KCNQ2: variants seen among roughly 807,000 people sequenced by gnomAD.
The protein encoded by KCNQ2 is potassium voltage-gated channel subfamily KQT member 2.
KCNQ2 carries 14 observed loss-of-function variants against 84.8 expected under a neutral mutation model. That is an observed-to-expected ratio of 0.17 (90% CI 0.11 to 0.26). The LOEUF (loss-of-function observed/expected upper bound fraction) is 0.26. Ranked by LOEUF, KCNQ2 falls within the 10% of genes least tolerant of loss-of-function variation. The pLI, the probability that KCNQ2 is intolerant of heterozygous loss-of-function variation, is 1.00. For missense variants in KCNQ2, 788 were observed against 1,254.0 expected (o/e 0.63, Z 5.61); for synonymous variants, 599 against 554.1 (o/e 1.08, Z -1.14).
chr20:63,459,288 G>A (rs915506027), intron 1 of KCNQ2, among the ~76,000 whole-genome samples: 3 of 152,238 alleles, frequency 2.0e-5, no homozygotes, highest in Non-Finnish European at 4.4e-5. Flanking sequence ...GGCCGAGGCA[G>A]GAGGACAGCT....
chr20:63,422,065 C>T (rs1030599202), intron 11 of KCNQ2, among the ~76,000 whole-genome samples: 2 of 152,306 alleles, frequency 1.3e-5, no homozygotes, highest in Non-Finnish European at 2.9e-5. Context: ...GACCAGCTGA[C>T]ACCAGCGGGG....
Position 63,438,198 on chromosome 20 carries a change from G to A in KCNQ2, c.1023+427C>T, listed in dbSNP as rs1014619320. ...GCTACCCACCCCCAAATGGTGGGAC[G>A]GCACTGGGTGGGGTCCGGGCGGGCA... On this transcript the variant is annotated intron_variant, in intron 7 of 16. Coordinates refer to ENST00000359125, the MANE Select transcript of KCNQ2 (RefSeq NM_172107.4). The surrounding 1 kb of genome is among the most constrained non-coding windows in gnomAD (Gnocchi z 5.1). 12 of 283,218 alleles carry A rather than the reference G, an allele frequency of 4.2e-5. No individual in the cohort carries two copies. Among genetic ancestry groups the A allele is most frequent in the East Asian group, 4.2e-4 (5 of 11,820 alleles). The allele number at this position is 283,218 out of a possible 1,614,324, so 17.5% of individuals were successfully genotyped here. A position where few individuals can be genotyped will look rare whatever the true frequency, so the allele number is the denominator to read the frequency against.
rs1038820366 is a variant in KCNQ2, at chr20:63,438,661, A to G, written c.987T>C (p.Phe329=). The G allele has an allele frequency of 2.5e-6, 4 of 1,613,754 alleles. No homozygotes were observed. Among genetic ancestry groups the G allele is most frequent in the Non-Finnish European group, 3.4e-6 (4 of 1,179,978 alleles). ...CTGCTGCCGGGTTCCGCCTCTTCTC[A>G]AAGTGCTTCTGCCTGTGCTGCTCCT... The part of the protein sequence containing the change: ...KVQEQHRQKH[F]EKRRNPAAGL... The change falls in exon 7 of 17, where the codon TTT becomes TTC. Residue 329 remains phenylalanine, a synonymous_variant. Transcript: ENST00000359125. This position sits in a 1 kb window ranked among gnomAD's most constrained non-coding sequence, Gnocchi z 5.1.
At chr20:63,443,172 A>G (rs1307232051) in intron 4 of KCNQ2, among the ~76,000 whole-genome samples, 1 of 77,356 alleles carries the variant, frequency 1.3e-5, no homozygotes, top group African/African-American at 4.8e-5. Flanking sequence ...CCACCATCAC[A>G]TCACCATCAC....
rs2080777606 is a variant in KCNQ2, at chr20:63,431,243, G to A, written c.1148+97C>T. The A allele has an allele frequency of 5.7e-5, 79 of 1,382,184 alleles. 3 individuals are homozygous for A. The South Asian group carries it at 8.9e-4, about 16-fold the overall frequency. The allele number at this position is 1,382,184 out of a possible 1,614,324, so 85.6% of individuals were successfully genotyped here. A position where few individuals can be genotyped will look rare whatever the true frequency, so the allele number is the denominator to read the frequency against. ...GGACAGTGGTCACTCTGCAGACCGG[G>A]TGGGCCACGGGGCTCCAGGGGCTTG... On this transcript the variant is annotated intron_variant, in intron 9 of 16. Transcript: ENST00000359125.
In KCNQ2 at chr20:63,404,001, C is replaced by G. The variant is rs1379843701; in HGVS notation, c.*2643G>C. The G allele has an allele frequency of 6.6e-6, 1 of 152,388 alleles. No homozygotes were observed. The highest frequency in any genetic ancestry group is 1.5e-5 in the Non-Finnish European group (1 of 68,168). The allele number at this position is 152,388 out of a possible 1,614,324, so 9.4% of individuals were successfully genotyped here. A position where few individuals can be genotyped will look rare whatever the true frequency, so the allele number is the denominator to read the frequency against. On this transcript the variant is annotated 3_prime_UTR_variant, in exon 17 of 17. Coordinates refer to ENST00000359125, the MANE Select transcript of KCNQ2 (RefSeq NM_172107.4). ...ACAGACCCTCTACCCCTTTGTCTCC[C>G]AAAACAGGGCCCCGCAACCATCCCA...
chr20:63,406,099 G>C lies in KCNQ2; in HGVS notation c.*545C>G, dbSNP rs1198724338. On this transcript the variant is annotated 3_prime_UTR_variant, in exon 17 of 17. Transcript: ENST00000359125. Reference sequence around the variant, plus strand: ...TGGGCGCCCCTGAGGTGGGGAACAGGAAAGCCCGCCGGGCAGGTCAGGTGT... The same window carrying C: ...TGGGCGCCCCTGAGGTGGGGAACAGCAAAGCCCGCCGGGCAGGTCAGGTGT... 1.3e-5 allele frequency: 2 copies of C among 154,880 alleles called. No homozygotes were observed. The highest frequency in any genetic ancestry group is 4.8e-5 in the African/African-American group (2 of 41,458). The allele number at this position is 154,880 out of a possible 1,614,324, so 9.6% of individuals were successfully genotyped here.
At chr20:63,463,443 C>T (rs2082006119) in intron 1 of KCNQ2, among the ~76,000 whole-genome samples, 1 of 152,130 alleles carries the variant, frequency 6.6e-6, no homozygotes, top group African/African-American at 2.4e-5. Flanking sequence ...TGCCCTTCCC[C>T]AGGGCTCAGC....
intron 1 of KCNQ2, among the ~76,000 whole-genome samples, chr20:63,454,846 G>A (rs1028915424): frequency 1.3e-4 from 20 of 152,316 alleles, no homozygotes; most frequent in East Asian, 5.8e-4. Flanking sequence ...CAGGCACGAC[G>A]AGCGTCCAAA....
chr20:63,443,013 T>C (rs377698785), intron 4 of KCNQ2, among the ~76,000 whole-genome samples: 227 of 27,852 alleles, frequency 8.2e-3, no homozygotes, highest in Admixed American at 0.013. Context: ...ACCATCACCA[T>C]CACCACCACC....
In KCNQ2 at chr20:63,458,906, TGAG is replaced by T. The variant is rs1372451952; in HGVS notation, c.297-12072_297-12070del. On this transcript the variant is annotated intron_variant, in intron 1 of 16. Transcript: ENST00000359125. Reference sequence around the variant, plus strand: ...CCTGTGTGGGTCTGGGGGGCTGAGATGAGGAGGGCACGGCCCACCCAGGGCACC... The same window carrying T: ...CCTGTGTGGGTCTGGGGGGCTGAGATGAGGGCACGGCCCACCCAGGGCACC... 5.9e-5 allele frequency: 9 copies of T among 152,358 alleles called. No homozygotes were observed. The East Asian group carries it at 1.7e-3, about 29-fold the overall frequency. The allele number at this position is 152,358 out of a possible 1,614,324, so 9.4% of individuals were successfully genotyped here. A position where few individuals can be genotyped will look rare whatever the true frequency, so the allele number is the denominator to read the frequency against.
At chr20:63,411,897 A>G (rs2145526036) in intron 15 of KCNQ2, 1 of 713,818 alleles carries the variant, frequency 1.4e-6, no homozygotes. Context: ...CAGAGTAAAC[A>G]AGAAAAGAGA....
At chr20:63,429,297 C>T (rs2080725263) in intron 9 of KCNQ2, among the ~76,000 whole-genome samples, 1 of 151,794 alleles carries the variant, frequency 6.6e-6, no homozygotes, top group African/African-American at 2.4e-5. Flanking sequence ...CCACCTGAAC[C>T]CCCTCCACTC....
At chr20:63,428,333 G>A (rs773497768) in intron 10 of KCNQ2, 34 bp downstream of exon 10, 11 of 1,520,860 alleles carry the variant, frequency 7.2e-6, no homozygotes, top group African/African-American at 1.4e-5. Flanking sequence ...GGACTGAGAC[G>A]CCCACCCGCC....
chr20:63,420,966 T>A (rs2080453863), intron 11 of KCNQ2, among the ~76,000 whole-genome samples: 1 of 151,970 alleles, frequency 6.6e-6, no homozygotes, highest in Non-Finnish European at 1.5e-5. Context: ...TCAGAGTCTC[T>A]CCCGCTGTGA....
chr20:63,428,581 C>T (rs1449103748), intron 9 of KCNQ2, 146 bp from the exon 10 acceptor site: 2 of 703,942 alleles, frequency 2.8e-6, no homozygotes, highest in Non-Finnish European at 5.1e-6. Flanking sequence ...CAGGCAGCTG[C>T]CCACTGGGCC....
In KCNQ2 at chr20:63,446,873, C is replaced by T. The variant is rs555690418; in HGVS notation, c.297-36G>A. The T allele has an allele frequency of 6.4e-7, 1 of 1,557,932 alleles. No homozygotes were observed. Among genetic ancestry groups the T allele is most frequent in the Admixed American group, 1.7e-5 (1 of 59,928 alleles). On this transcript the variant is annotated intron_variant, in intron 1 of 16. Coordinates refer to ENST00000359125, the MANE Select transcript of KCNQ2 (RefSeq NM_172107.4). The surrounding 1 kb of genome is among the most constrained non-coding windows in gnomAD (Gnocchi z 5.5). ...GGAACGCGCGCTCTCAGACAGGCCG[C>T]AGCAGGGCAGCAGCATGGCTGTGTC...
intron 12 of KCNQ2, among the ~76,000 whole-genome samples, chr20:63,419,341 G>A (rs2080395647): frequency 6.6e-6 from 1 of 152,234 alleles, no homozygotes; most frequent in South Asian, 2.1e-4. Flanking sequence ...AGGAGGCACG[G>A]ACGCCTTGCT....
rs761931903 is a variant in KCNQ2 at position 63,425,948 on chromosome 20, G to A, written c.1218-1742C>T. ...AAGGGAGAATGACAGAGGGGCCGCC[G>A]GCCACCACGTTTCCAATCCGGCGGG... On this transcript the variant is annotated intron_variant, in intron 10 of 16. Coordinates refer to ENST00000359125, the MANE Select transcript of KCNQ2 (RefSeq NM_172107.4). This position sits in a 1 kb window ranked among gnomAD's most constrained non-coding sequence, Gnocchi z 5.5. Among the ~76,000 whole-genome samples the A allele has an allele frequency of 2.0e-5, 3 of 152,178 alleles. No individual in the cohort carries two copies. Among genetic ancestry groups the A allele is most frequent in the Admixed American group, 1.3e-4 (2 of 15,284 alleles).
Sources: gnomAD v4.1 joint callset for allele counts (sites outside exome capture counted in the v4.1 genomes callset) on GRCh38, gnomAD v4.1.1 for gene constraint, Gnocchi (gnomAD v3.1) non-coding constraint, MANE v1.5 for transcripts, NCBI Gene and HGNC (gene_info 2026-07-23, HGNC 2026-07-21) for gene names.